Variants in NRG1 observed in about 807,000 individuals in gnomAD.
NRG1 encodes neuregulin 1.
A neutral mutation model predicts 63.8 loss-of-function variants in NRG1; 18 were observed. The ratio of observed to expected loss-of-function variants is 0.28; its 90% CI spans 0.19 to 0.42. The LOEUF (loss-of-function observed/expected upper bound fraction) is 0.42, where lower values mean the gene tolerates loss of function less well. Ranked by LOEUF, NRG1 falls within the 10% of genes least tolerant of loss-of-function variation. The probability of loss-of-function intolerance (pLI) is 1.00; values close to 1 mark genes in which losing one functional copy is unlikely to be tolerated. For missense variants in NRG1, 762 were observed against 814.7 expected, an observed-to-expected ratio of 0.94 and a Z score of 0.79; for synonymous variants, 302 against 301.3, an observed-to-expected ratio of 1.00 and a Z score of -0.02.
At chr8:32,607,801 T>C (rs549414234) in intron 3 of NRG1, among the ~76,000 whole-genome samples, 1 of 152,278 alleles carries the variant, frequency 6.6e-6, no homozygotes, top group East Asian at 1.9e-4. Flanking sequence ...AAAGAGAAGT[T>C]CATGGAATAT....
chr8:31,937,802 T>G (rs924840462), intron 1 of NRG1, among the ~76,000 whole-genome samples: 1 of 152,066 alleles, frequency 6.6e-6, no homozygotes, highest in Non-Finnish European at 1.5e-5. Flanking sequence ...ATAATCCCCC[T>G]GGGAATACAA....
At chr8:32,709,637 T>A (rs1817309085) in intron 5 of NRG1, among the ~76,000 whole-genome samples, 1 of 151,948 alleles carries the variant, frequency 6.6e-6, no homozygotes, top group Non-Finnish European at 1.5e-5. Context: ...CCCAGGCTGG[T>A]CTCGAACTCC....
At chr8:32,236,644 T>C (rs147390518) in intron 1 of NRG1, among the ~76,000 whole-genome samples, 1 of 152,142 alleles carries the variant, frequency 6.6e-6, no homozygotes, top group East Asian at 1.9e-4. Context: ...AGCTTACTCG[T>C]TGCTCAAAAA....
At chr8:32,331,540 CAA>C (rs1802655735) in intron 1 of NRG1, among the ~76,000 whole-genome samples, 3 of 151,872 alleles carry the variant, frequency 2.0e-5, no homozygotes, top group Non-Finnish European at 2.9e-5. Flanking sequence ...CTTAAAAAAA[CAA>C]AAGTTTCTTC....
chr8:31,706,640 TG>T (rs753476271), intron 1 of NRG1, among the ~76,000 whole-genome samples: 1 of 152,230 alleles, frequency 6.6e-6, no homozygotes, highest in Non-Finnish European at 1.5e-5. Flanking sequence ...ATAGGGATTG[TG>T]CTTAGTTCGG....
chr8:32,194,054 T>C (rs1563894754), intron 1 of NRG1, among the ~76,000 whole-genome samples: 1 of 152,218 alleles, frequency 6.6e-6, no homozygotes, highest in African/African-American at 2.4e-5. Context: ...GCCCTTGGAA[T>C]TGAATATGCT....
chr8:31,663,114 C>G (rs1806169481), intron 1 of NRG1, among the ~76,000 whole-genome samples: 1 of 152,140 alleles, frequency 6.6e-6, no homozygotes, highest in South Asian at 2.1e-4. Context: ...TATGTGCTGC[C>G]TGTGCCAGTG....
At chr8:31,844,781 C>T (rs972948) in intron 1 of NRG1, among the ~76,000 whole-genome samples, 18,016 of 146,720 alleles carry the variant, frequency 0.12, 1,206 homozygotes, top group Admixed American at 0.2. Flanking sequence ...ATTCCAATGG[C>T]TTGGTGAATT....
At chr8:32,711,076 G>T (rs549570377) in intron 5 of NRG1, among the ~76,000 whole-genome samples, 1 of 152,232 alleles carries the variant, frequency 6.6e-6, no homozygotes, top group South Asian at 2.1e-4. Context: ...TAGCTACAAG[G>T]TGACATATAT....
chr8:32,631,789 C>G (rs1448003811), intron 5 of NRG1, among the ~76,000 whole-genome samples: 2 of 152,124 alleles, frequency 1.3e-5, no homozygotes, highest in Admixed American at 1.3e-4. Context: ...TGAGGTTAAT[C>G]TAGGACGCTT....
At chr8:32,101,394 G>A (rs1481894869) in intron 1 of NRG1, among the ~76,000 whole-genome samples, 3 of 151,618 alleles carry the variant, frequency 2.0e-5, no homozygotes, top group Non-Finnish European at 4.4e-5. Context: ...ACAACTATGA[G>A]GAATAAAAAG....
chr8:32,513,195 G>A (rs199692820), intron 1 of NRG1, among the ~76,000 whole-genome samples: 1 of 132,938 alleles, frequency 7.5e-6, no homozygotes, highest in African/African-American at 3.0e-5. Context: ...GTGTGTGTAT[G>A]CGTGTGTGCG....
At chr8:32,529,318 C>T (rs2129516969) in intron 1 of NRG1, among the ~76,000 whole-genome samples, 2 of 152,318 alleles carry the variant, frequency 1.3e-5, no homozygotes, top group East Asian at 3.9e-4. Context: ...CTGGAAGTTG[C>T]TCTGGGTGTC....
chr8:32,747,441 T>C (rs1008780672), intron 7 of NRG1, among the ~76,000 whole-genome samples: 2 of 152,084 alleles, frequency 1.3e-5, no homozygotes, highest in African/African-American at 2.4e-5. Context: ...TTCCAAAGTT[T>C]GTATTAAGAA....
chr8:32,737,063 CAG>C (rs1179065801), intron 6 of NRG1, among the ~76,000 whole-genome samples: 1 of 152,080 alleles, frequency 6.6e-6, no homozygotes, highest in East Asian at 1.9e-4. Context: ...TGGTGCTGGG[CAG>C]AAGTTTGGTT....
At chr8:32,452,708 G>C (rs1233560195) in intron 1 of NRG1, among the ~76,000 whole-genome samples, 1 of 152,030 alleles carries the variant, frequency 6.6e-6, no homozygotes, top group Non-Finnish European at 1.5e-5. Flanking sequence ...ATATTCTAAT[G>C]TGTAAACTTC....
intron 1 of NRG1, among the ~76,000 whole-genome samples, chr8:32,350,360 T>C (rs1184910364): frequency 1.3e-5 from 2 of 152,210 alleles, no homozygotes; most frequent in East Asian, 1.9e-4. Flanking sequence ...AAATGCTTTC[T>C]CTATAAGTTC....
intron 1 of NRG1, among the ~76,000 whole-genome samples, chr8:32,030,863 C>A (rs899539438): frequency 1.2e-4 from 18 of 152,068 alleles, no homozygotes; most frequent in African/African-American, 4.3e-4. Flanking sequence ...AAATTCTAGT[C>A]AGGGAATTAT....
intron 1 of NRG1, among the ~76,000 whole-genome samples, chr8:32,255,849 CAAATGT>C (rs1849642287): frequency 6.6e-6 from 1 of 152,182 alleles, no homozygotes. Flanking sequence ...GTACACTAAT[CAAATGT>C]AAGTTTGGTC....
Sources: gnomAD v4.1 joint callset for allele counts (sites outside exome capture counted in the v4.1 genomes callset) on GRCh38, gnomAD v4.1.1 for gene constraint, MANE v1.5 for transcripts, NCBI Gene and HGNC (gene_info 2026-07-23, HGNC 2026-07-21) for gene names.